The following RELB variants were observed in gnomAD, a reference collection of about 807,000 sequenced individuals.
The protein encoded by RELB is RELB proto-oncogene, NF-kB subunit, also known as transcription factor RelB.
In RELB, 14 loss-of-function variants were observed where a neutral mutation model predicts 55.4. The ratio of observed to expected loss-of-function variants is 0.25; its 90% CI spans 0.17 to 0.40. RELB has a LOEUF of 0.40. RELB is among the 10% of genes least tolerant of loss of function. RELB has a pLI of 1.00. For missense variants in RELB, 669 were observed against 830.7 expected, an observed-to-expected ratio of 0.81 and a Z score of 2.39; for synonymous variants, 409 against 371.3, an observed-to-expected ratio of 1.10 and a Z score of -1.17.
intron 3 of RELB, among the ~76,000 whole-genome samples, chr19:45,011,034 T>C (rs1412981394): frequency 6.6e-6 from 1 of 152,128 alleles, no homozygotes; most frequent in Admixed American, 6.6e-5. Context: ...ATATTTTTAG[T>C]GGAGATGGGG....
intron 3 of RELB, among the ~76,000 whole-genome samples, chr19:45,011,101 C>T (rs1297288258): frequency 6.6e-6 from 1 of 152,234 alleles, no homozygotes; most frequent in Non-Finnish European, 1.5e-5. Flanking sequence ...ATCCGCCTGC[C>T]TCGGCCTCCC....
chr19:45,020,128 T>C (rs1971465607), intron 4 of RELB, among the ~76,000 whole-genome samples: 2 of 152,154 alleles, frequency 1.3e-5, no homozygotes, highest in African/African-American at 4.8e-5. Context: ...TCTGAATTTT[T>C]ACATATAATG....
In RELB at chr19:45,012,016, C is replaced by G; in HGVS notation, c.244C>G (p.Leu82Val). 6.3e-7 allele frequency: 1 copy of G among 1,575,972 alleles called. No homozygotes were observed. The highest frequency in any genetic ancestry group is 8.6e-7 in the Non-Finnish European group (1 of 1,165,330). ...QPGPGEGLPRLVSRGAASLST... is the reference protein window; with the variant it reads ...QPGPGEGLPRVVSRGAASLST... Reference sequence around the variant, plus strand: ...GGGCCCGGGCGAGGGGCTGCCACGCCTGGTGTCTCGCGGGGCTGCGTCCCT... The same window carrying G: ...GGGCCCGGGCGAGGGGCTGCCACGCGTGGTGTCTCGCGGGGCTGCGTCCCT... The change falls in exon 4 of 12, where the codon CTG (leucine) becomes GTG (valine). Residue 82 changes from leucine to valine, a missense_variant. Leu to Val is a conservative substitution (Grantham distance 32). Around this residue, in one of 3 missense-constraint regions of RELB, gnomAD observed 323 missense variants for 368.5 expected, o/e 0.88. Coordinates refer to ENST00000221452, the MANE Select transcript of RELB (RefSeq NM_006509.4).
intron 4 of RELB, among the ~76,000 whole-genome samples, chr19:45,018,683 T>TA (rs1971449452): frequency 1.3e-5 from 2 of 151,654 alleles, no homozygotes; most frequent in African/African-American, 4.8e-5. Context: ...TATTTTTTTT[T>TA]AATTTTTTTT....
At chr19:45,018,421 T>C (rs985953276) in intron 4 of RELB, among the ~76,000 whole-genome samples, 2 of 144,106 alleles carry the variant, frequency 1.4e-5, no homozygotes, top group African/African-American at 2.6e-5. Context: ...TAAAATAAAA[T>C]AAAAATACAA....
At chr19:45,006,161 CAG>C (rs1320089848) in intron 2 of RELB, among the ~76,000 whole-genome samples, 1 of 152,116 alleles carries the variant, frequency 6.6e-6, no homozygotes, top group Non-Finnish European at 1.5e-5. Context: ...TATTTAATAA[CAG>C]GGTGGGGATA....
chr19:45,037,794 C>T lies in RELB; in HGVS notation c.*4C>T, dbSNP rs749080922. ...CCCGGGGCCTGAAGCCACGTAGCCC[C>T]GCGATGCCAGAGGAGGGGCACTGGG... On this transcript the variant is annotated 3_prime_UTR_variant, in exon 12 of 12. Coordinates refer to ENST00000221452, the MANE Select transcript of RELB (RefSeq NM_006509.4). 2.8e-5 allele frequency: 42 copies of T among 1,478,694 alleles called. No individual in the cohort carries two copies. Among genetic ancestry groups the T allele is most frequent in the Non-Finnish European group, 3.5e-5 (39 of 1,118,166 alleles). The allele number at this position is 1,478,694 out of a possible 1,614,324, so 91.6% of individuals were successfully genotyped here.
chr19:45,011,846 G>T (rs1971361619), intron 3 of RELB, 90 bp from the exon 4 acceptor site: 26 of 615,642 alleles, frequency 4.2e-5, no homozygotes, highest in Middle Eastern at 5.3e-4. Context: ...TAAATGGGAT[G>T]GAAAACGTCT....
At chr19:45,029,518 G>T (rs1402940909) in intron 8 of RELB, among the ~76,000 whole-genome samples, 1 of 151,964 alleles carries the variant, frequency 6.6e-6, no homozygotes, top group Non-Finnish European at 1.5e-5. Context: ...TTCGAGACCA[G>T]CCTGGGCAAC....
chr19:45,005,586 C>T (rs1971272782), intron 2 of RELB, among the ~76,000 whole-genome samples: 1 of 152,032 alleles, frequency 6.6e-6, no homozygotes, highest in Admixed American at 6.6e-5. Context: ...AGCGGTGGTC[C>T]TGCGCAGGAA....
chr19:45,026,395 G>A (rs1971558506), intron 7 of RELB, among the ~76,000 whole-genome samples: 1 of 151,470 alleles, frequency 6.6e-6, no homozygotes, highest in Non-Finnish European at 1.5e-5. Flanking sequence ...AGAGCAAGTG[G>A]TGAAATCCTG....
At chr19:45,023,144 C>A (rs957665787) in intron 5 of RELB, among the ~76,000 whole-genome samples, 1 of 152,136 alleles carries the variant, frequency 6.6e-6, no homozygotes, top group Non-Finnish European at 1.5e-5. Flanking sequence ...GATCTTGTCT[C>A]TTACATTCCC....
intron 7 of RELB, among the ~76,000 whole-genome samples, chr19:45,027,837 C>G (rs1971576403): frequency 6.6e-6 from 1 of 152,046 alleles, no homozygotes; most frequent in South Asian, 2.1e-4. Flanking sequence ...CATCAACTCT[C>G]CCTGAGGTCT....
intron 9 of RELB, among the ~76,000 whole-genome samples, chr19:45,033,096 G>A (rs1600083175): frequency 6.6e-6 from 1 of 152,166 alleles, no homozygotes; most frequent in East Asian, 1.9e-4. Context: ...GAGGCTTATA[G>A]TCCTGAGGAT....
At chr19:45,034,022 G>A (rs1199826934) in intron 9 of RELB, among the ~76,000 whole-genome samples, 1 of 151,792 alleles carries the variant, frequency 6.6e-6, no homozygotes. Flanking sequence ...AGCTGGGCGT[G>A]GTGGCGCACA....
At chr19:45,025,273 A>T in intron 5 of RELB, 56 bp from the exon 6 acceptor site, 1 of 1,262,946 alleles carries the variant, frequency 7.9e-7, no homozygotes, top group Non-Finnish European at 1.1e-6. Context: ...CCTGCAGGTT[A>T]GGGCCACACT....
rs774790127 is a variant in RELB, at chr19:45,022,251, G to A, written c.662+41G>A. Reference sequence around the variant, plus strand: ...CCTCCGACCTCTCATCCTTGATCATGGAGATTCTAAGCGACTGGAGGCCAC... The same window carrying A: ...CCTCCGACCTCTCATCCTTGATCATAGAGATTCTAAGCGACTGGAGGCCAC... On this transcript the variant is annotated intron_variant, in intron 5 of 11. Coordinates refer to ENST00000221452, the MANE Select transcript of RELB (RefSeq NM_006509.4). 4 of 1,541,048 alleles carry A rather than the reference G, an allele frequency of 2.6e-6. 1 individual carries two copies. In the South Asian group the frequency reaches 3.5e-5, roughly 14 times the overall value.
chr19:45,021,185 T>A (rs1284127199), intron 4 of RELB, among the ~76,000 whole-genome samples: 1 of 150,558 alleles, frequency 6.6e-6, no homozygotes, highest in Non-Finnish European at 1.5e-5. Flanking sequence ...CAAAAAAATT[T>A]AAAAAAGGCC....
intron 5 of RELB, among the ~76,000 whole-genome samples, chr19:45,023,707 G>C (rs1430225452): frequency 1.4e-5 from 2 of 147,186 alleles, no homozygotes; most frequent in African/African-American, 2.5e-5. Context: ...CAAAGTGCTG[G>C]GATTACAGGT....
Sources: gnomAD v4.1 joint callset for allele counts (sites outside exome capture counted in the v4.1 genomes callset) on GRCh38, gnomAD v4.1.1 for gene constraint, gnomAD v4.1.1 regional missense constraint, MANE v1.5 for transcripts, NCBI Gene and HGNC (gene_info 2026-07-23, HGNC 2026-07-21) for gene names.